PREP: variants seen among roughly 807,000 people sequenced by gnomAD.
PREP encodes dJ355L5.1 (prolyl endopeptidase).
A neutral mutation model predicts 87.6 loss-of-function variants in PREP; 29 were observed. That is an observed-to-expected ratio of 0.33 (90% CI 0.25 to 0.45). The LOEUF (loss-of-function observed/expected upper bound fraction) is 0.45. PREP is among the 20% of genes least tolerant of loss of function. The probability of loss-of-function intolerance (pLI) is 1.00; values close to 1 mark genes in which losing one functional copy is unlikely to be tolerated. For missense variants in PREP, 695 were observed against 886.5 expected (o/e 0.78, Z 2.74); for synonymous variants, 337 against 328.6 (o/e 1.03, Z -0.28).
chr6:105,333,387 G>C lies in PREP; in HGVS notation c.942C>G (p.Ile314Met). Reference protein sequence around the residue: ...TNRQSPNYRVINIDFRDPEES... With the variant: ...TNRQSPNYRVMNIDFRDPEES... ...CTTCAGGATCCCTGAAGTCAATGTT[G>C]ATCACGCGATAGTTGGGAGACTGGC... The change falls in exon 8 of 15, where the codon ATC becomes ATG. Residue 314 changes from isoleucine to methionine, a missense_variant. Around this residue, in one of 5 missense-constraint regions of PREP, gnomAD observed 517 missense variants for 620.3 expected, o/e 0.83. Coordinates refer to ENST00000652536, the MANE Select transcript of PREP (RefSeq NM_002726.5). The C allele has an allele frequency of 6.2e-7, 1 of 1,614,120 alleles. No homozygotes were observed.
At chr6:105,342,742 G>T (rs933187942) in intron 7 of PREP, among the ~76,000 whole-genome samples, 1 of 142,668 alleles carries the variant, frequency 7.0e-6, no homozygotes, top group African/African-American at 2.7e-5. Flanking sequence ...ACCAATAACA[G>T]ACAGAGAGCC....
In PREP at chr6:105,288,599, C is replaced by T. The variant is rs562474127; in HGVS notation, c.1454+159G>A. 3.8e-4 allele frequency among the ~76,000 whole-genome samples: 58 copies of T among 152,278 alleles called. 1 individual carries two copies. The South Asian group carries it at 7.1e-3, about 19-fold the overall frequency. On this transcript the variant is annotated intron_variant, in intron 11 of 14. Transcript: ENST00000652536. ...CTTGAACTCCTGACCTCAGGTGATC[C>T]GCCTGCCTCAGCCTCCCAAGGTGCT... is the stretch of plus-strand genomic sequence containing the variant.
chr6:105,278,589 A>G lies in PREP; in HGVS notation c.1839-151T>C. 1 of 813,902 alleles carries G rather than the reference A, an allele frequency of 1.2e-6. No homozygotes were observed. The highest frequency in any genetic ancestry group is 1.9e-6 in the Non-Finnish European group (1 of 535,084). The allele number at this position is 813,902 out of a possible 1,614,324, so 50.4% of individuals were successfully genotyped here. A position where few individuals can be genotyped will look rare whatever the true frequency, so the allele number is the denominator to read the frequency against. ...GTGCCTATGCGTTACCATTTAGGCCATGACTGGCAAGGGCTCCTGGAAACT... is the reference window on the plus strand; with the variant it reads ...GTGCCTATGCGTTACCATTTAGGCCGTGACTGGCAAGGGCTCCTGGAAACT... On this transcript the variant is annotated intron_variant, in intron 14 of 14. Coordinates refer to ENST00000652536, the MANE Select transcript of PREP (RefSeq NM_002726.5). The surrounding 1 kb of genome is among the most constrained non-coding windows in gnomAD (Gnocchi z 4.2).
In PREP at chr6:105,323,759, T is replaced by C. The variant is rs539227032; in HGVS notation, c.1223A>G (p.Tyr408Cys). ...FTSFLSPGII[Y>C]HCDLTKEELE... ...CTCCTCTTTGGTAAGATCACAGTGA[T>C]AAATGATACCTAAAAAGTAGAATAA... Residue 408 changes from tyrosine (Y) to cysteine (C), a missense_variant, in exon 10 of 15, where the codon TAT becomes TGT. Physicochemically the swap from Tyr to Cys is radical, Grantham distance 194. Transcript: ENST00000652536. 4.3e-6 allele frequency: 7 copies of C among 1,611,712 alleles called. No homozygotes were observed. In the African/African-American group the frequency reaches 5.3e-5, roughly 12 times the overall value.
At chr6:105,333,918 G>GA (rs1377718216) in intron 7 of PREP, among the ~76,000 whole-genome samples, 2 of 152,140 alleles carry the variant, frequency 1.3e-5, no homozygotes, top group Admixed American at 6.5e-5. Flanking sequence ...GGCAACATCT[G>GA]AAAATGTCTG....
At chr6:105,372,569 C>T (rs1445265105) in intron 5 of PREP, among the ~76,000 whole-genome samples, 1 of 152,150 alleles carries the variant, frequency 6.6e-6, no homozygotes, top group Non-Finnish European at 1.5e-5. Flanking sequence ...ACCCCTTGAA[C>T]ACAACAGGAT....
intron 2 of PREP, among the ~76,000 whole-genome samples, chr6:105,380,010 T>C (rs922325318): frequency 2.6e-5 from 4 of 152,244 alleles, no homozygotes; most frequent in African/African-American, 4.8e-5. Context: ...GAGTGAGTGC[T>C]GAAAACCTTT....
intron 7 of PREP, among the ~76,000 whole-genome samples, chr6:105,336,298 T>C (rs1045196240): frequency 2.0e-5 from 3 of 152,238 alleles, no homozygotes; most frequent in Non-Finnish European, 4.4e-5. Context: ...CCATATGTTA[T>C]TGAAAAGAAT....
At chr6:105,296,362 T>C (rs1307979152) in intron 10 of PREP, among the ~76,000 whole-genome samples, 2 of 152,162 alleles carry the variant, frequency 1.3e-5, no homozygotes, top group Non-Finnish European at 2.9e-5. Flanking sequence ...GCTTTGTTTA[T>C]ATTTTGTCCC....
At position 105,299,900 on chromosome 6, in the gene PREP, CTTTT is replaced by C. The variant is rs199769252; in HGVS notation, c.1318-11010_1318-11007del. Among the ~76,000 whole-genome samples the C allele has an allele frequency of 2.1e-5, 3 of 143,280 alleles. 1 individual carries two copies. In the South Asian group the frequency reaches 6.7e-4, roughly 32 times the overall value. The allele number at this position is 143,280 out of a possible 152,430, so 94.0% of individuals were successfully genotyped here. A position where few individuals can be genotyped will look rare whatever the true frequency, so the allele number is the denominator to read the frequency against. The stretch of plus-strand genomic sequence containing the variant: ...ATGCTATCCCTTATTTGCTTCTCTG[CTTTT>C]TTTTTTTTTTGAGACGGAATCTCAC... On this transcript the variant is annotated intron_variant, in intron 10 of 14. Transcript: ENST00000652536.
chr6:105,342,334 C>T (rs887541349), intron 7 of PREP, among the ~76,000 whole-genome samples: 4 of 152,166 alleles, frequency 2.6e-5, no homozygotes, highest in Admixed American at 2.6e-4. Context: ...ATTCAACAGC[C>T]TTTCATGCTA....
rs763072069 is a variant in PREP at position 105,352,997 on chromosome 6, T to C, written c.798A>G (p.Leu266=). ...DPVNRLWYCD[L]QQESSGIAGI... ...CCGCGATGCCACTGGATTCCTGCTG[T>C]AGGTCACAGTACCAGAGTCGGTTTA... Residue 266 remains leucine, a synonymous_variant, in exon 7 of 15, where the codon CTA becomes CTG. Coordinates refer to ENST00000652536, the MANE Select transcript of PREP (RefSeq NM_002726.5). 5.6e-6 allele frequency: 9 copies of C among 1,613,838 alleles called. No individual in the cohort carries two copies. Among genetic ancestry groups the C allele is most frequent in the Non-Finnish European group, 6.8e-6 (8 of 1,179,830 alleles).
At chr6:105,398,441 A>G (rs191260048) in intron 1 of PREP, among the ~76,000 whole-genome samples, 39 of 152,368 alleles carry the variant, frequency 2.6e-4, no homozygotes, top group Admixed American at 1.0e-3. Context: ...AATATGTAGT[A>G]TAATGATTCT....
intron 6 of PREP, among the ~76,000 whole-genome samples, chr6:105,357,899 G>A (rs572490172): frequency 9.2e-5 from 14 of 151,568 alleles, no homozygotes; most frequent in Admixed American, 3.3e-4. Context: ...TTTGAATTCC[G>A]GTTCAACAAT....
chr6:105,322,920 C>T, intron 10 of PREP: 1 of 1,215,578 alleles, frequency 8.2e-7, no homozygotes, highest in East Asian at 5.8e-5. Context: ...TCTTTATTCT[C>T]ATCTTCCTTC....
In PREP at chr6:105,274,484, G is replaced by A. The variant is rs1769895788; in HGVS notation, c.*3660C>T. Among the ~76,000 whole-genome samples the A allele has an allele frequency of 6.6e-6, 1 of 152,142 alleles. No homozygotes were observed. Among genetic ancestry groups the A allele is most frequent in the African/African-American group, 2.4e-5 (1 of 41,424 alleles). On this transcript the variant is annotated 3_prime_UTR_variant, in exon 15 of 15. Coordinates refer to ENST00000652536, the MANE Select transcript of PREP (RefSeq NM_002726.5). The stretch of plus-strand genomic sequence containing the variant: ...ACAACAGCAGTAAGAGAGCTGTTTC[G>A]GCTGGGCATGGTGGCTCATGCCTGT...
Position 105,273,967 on chromosome 6 carries a change from G to T in PREP, c.*4177C>A, listed in dbSNP as rs914986178. Among the ~76,000 whole-genome samples the T allele has an allele frequency of 2.6e-5, 4 of 152,170 alleles. No individual in the cohort carries two copies. Among genetic ancestry groups the T allele is most frequent in the African/African-American group, 9.7e-5 (4 of 41,442 alleles). On this transcript the variant is annotated 3_prime_UTR_variant, in exon 15 of 15. Coordinates refer to ENST00000652536, the MANE Select transcript of PREP (RefSeq NM_002726.5). ...TTCCTGAAAGAGGCACCCTGACCTCGACTCAAATAGCATTCCTTCTCACGG... is the reference window on the plus strand; with the variant it reads ...TTCCTGAAAGAGGCACCCTGACCTCTACTCAAATAGCATTCCTTCTCACGG...
chr6:105,316,395 T>C (rs1411645894), intron 10 of PREP, among the ~76,000 whole-genome samples: 1 of 152,160 alleles, frequency 6.6e-6, no homozygotes, highest in Non-Finnish European at 1.5e-5. Flanking sequence ...ATGAGCGCAT[T>C]TGTGATGCCC....
chr6:105,322,575 A>G (rs1239693466), intron 10 of PREP: 1 of 986,272 alleles, frequency 1.0e-6, no homozygotes, highest in East Asian at 1.1e-4. Context: ...TTTTTCTTAA[A>G]GGCCATATAT....
Sources: gnomAD v4.1 joint callset for allele counts (sites outside exome capture counted in the v4.1 genomes callset) on GRCh38, gnomAD v4.1.1 for gene constraint, gnomAD v4.1.1 regional missense constraint, Gnocchi (gnomAD v3.1) non-coding constraint, MANE v1.5 for transcripts, NCBI Gene and HGNC (gene_info 2026-07-23, HGNC 2026-07-21) for gene names.